Variants in TSHR observed in about 807,000 individuals in gnomAD.
TSHR encodes the protein thyrotropin receptor.
In TSHR, 51 loss-of-function variants were observed where a neutral mutation model predicts 64.1. That is an observed-to-expected ratio of 0.80 (90% CI 0.64 to 1.01). The LOEUF (loss-of-function observed/expected upper bound fraction) is 1.01. Among genes scored for constraint, TSHR ranks in the 50% least tolerant of loss-of-function variants. The pLI, the probability that TSHR is intolerant of heterozygous loss-of-function variation, is 0.00. For synonymous variants in TSHR, 361 were observed against 361.9 expected, an observed-to-expected ratio of 1.00 and a Z score of 0.03; for missense variants, 877 against 942.8, an observed-to-expected ratio of 0.93 and a Z score of 0.91.
chr14:81,068,413 C>T (rs966519256), intron 3 of TSHR, 85 bp downstream of exon 3: 125 of 1,299,516 alleles, frequency 9.6e-5, no homozygotes, highest in Admixed American at 6.8e-5. Flanking sequence ...GCAATGGGAG[C>T]TGGTTTCTTG....
intron 1 of TSHR, among the ~76,000 whole-genome samples, chr14:81,015,357 T>C (rs12890676): frequency 0.097 from 14,782 of 152,194 alleles, 925 homozygotes; most frequent in South Asian, 0.2. Context: ...TACTGTCCAC[T>C]TAACATTTTA....
chr14:81,014,290 G>A (rs1890065954), intron 1 of TSHR: 1 of 152,190 alleles, frequency 6.6e-6, no homozygotes, highest in South Asian at 2.1e-4. Context: ...GCTGAGTTTA[G>A]GGGTCAGACC....
chr14:81,126,839 T>C (rs555079048), intron 8 of TSHR, among the ~76,000 whole-genome samples: 2 of 152,392 alleles, frequency 1.3e-5, no homozygotes, highest in Admixed American at 6.5e-5. Context: ...CGCTAGGCTC[T>C]GTGCTATTTT....
intron 1 of TSHR, among the ~76,000 whole-genome samples, chr14:80,976,309 G>T (rs1284367326): frequency 1.3e-5 from 2 of 152,200 alleles, no homozygotes; most frequent in East Asian, 3.9e-4. Flanking sequence ...CAGGATTCCA[G>T]TGGGCCTGTC....
chr14:80,996,110 G>A (rs1889006495), intron 1 of TSHR, among the ~76,000 whole-genome samples: 1 of 152,250 alleles, frequency 6.6e-6, no homozygotes, highest in Middle Eastern at 3.4e-3. Context: ...CAAAACAGAT[G>A]TTGTTCCCTT....
chr14:81,104,066 T>C, intron 7 of TSHR: 2 of 985,434 alleles, frequency 2.0e-6, no homozygotes, highest in South Asian at 4.7e-5. Flanking sequence ...AAGGCTATTA[T>C]TTATCATGGG....
chr14:81,045,517 A>T (rs563533342), intron 1 of TSHR, among the ~76,000 whole-genome samples: 30 of 152,248 alleles, frequency 2.0e-4, no homozygotes, highest in African/African-American at 7.2e-4. Flanking sequence ...GCCCAGCATC[A>T]ATTAGCTATT....
intron 1 of TSHR, among the ~76,000 whole-genome samples, chr14:81,035,489 A>G (rs957284641): frequency 2.6e-5 from 4 of 152,180 alleles, no homozygotes; most frequent in African/African-American, 9.7e-5. Flanking sequence ...TTTTTCTTCC[A>G]ATGCCGAGGA....
intron 1 of TSHR, among the ~76,000 whole-genome samples, chr14:81,040,924 A>C (rs1411267423): frequency 6.6e-5 from 10 of 152,078 alleles, no homozygotes; most frequent in Non-Finnish European, 1.5e-5. Flanking sequence ...GCTCAACATC[A>C]CTGATCATTA....
At chr14:81,086,909 T>C (rs1476021229) in intron 3 of TSHR, among the ~76,000 whole-genome samples, 1 of 152,238 alleles carries the variant, frequency 6.6e-6, no homozygotes, top group East Asian at 1.9e-4. Context: ...CAGTGGTTTC[T>C]AGGCATAAAG....
At chr14:80,963,894 TTACA>T (rs1158770742) in intron 1 of TSHR, among the ~76,000 whole-genome samples, 1 of 152,200 alleles carries the variant, frequency 6.6e-6, no homozygotes, top group African/African-American at 2.4e-5. Flanking sequence ...TTGAACCCCA[TTACA>T]TCTGTCATTC....
intron 1 of TSHR, among the ~76,000 whole-genome samples, chr14:81,017,479 A>C (rs1883476427): frequency 1.3e-5 from 2 of 152,146 alleles, no homozygotes; most frequent in African/African-American, 4.8e-5. Context: ...AGCTAATGTC[A>C]ATCCGCCTGG....
chr14:81,072,088 T>C (rs1289470717), intron 3 of TSHR, among the ~76,000 whole-genome samples: 4 of 152,214 alleles, frequency 2.6e-5, no homozygotes, highest in Non-Finnish European at 1.5e-5. Flanking sequence ...GGTCACCTAT[T>C]ATAATGTGCA....
chr14:80,995,979 C>G (rs1888997774), intron 1 of TSHR, among the ~76,000 whole-genome samples: 1 of 152,088 alleles, frequency 6.6e-6, no homozygotes, highest in Non-Finnish European at 1.5e-5. Flanking sequence ...CACTCCTAAA[C>G]CCCTCCATTG....
chr14:80,997,401 A>G (rs12437005), intron 1 of TSHR, among the ~76,000 whole-genome samples: 26,970 of 152,196 alleles, frequency 0.18, 2,745 homozygotes, highest in Admixed American at 0.26. Context: ...TTTTTAAAAA[A>G]CAAGCAATTA....
intron 1 of TSHR, among the ~76,000 whole-genome samples, chr14:80,976,342 A>G (rs112236474): frequency 2.6e-5 from 4 of 152,304 alleles, no homozygotes; most frequent in African/African-American, 9.6e-5. Flanking sequence ...AGCTTGAAAG[A>G]GGTAACTTAG....
chr14:81,022,627 C>T (rs988083522), intron 1 of TSHR, among the ~76,000 whole-genome samples: 5 of 151,794 alleles, frequency 3.3e-5, no homozygotes, highest in African/African-American at 1.2e-4. Context: ...TCGAGACCAT[C>T]CTGGCCAACA....
intron 1 of TSHR, among the ~76,000 whole-genome samples, chr14:81,026,532 T>G (rs1884063250): frequency 6.6e-6 from 1 of 152,166 alleles, no homozygotes; most frequent in South Asian, 2.1e-4. Flanking sequence ...AAAAATATTT[T>G]TATTGCCCTA....
intron 1 of TSHR, among the ~76,000 whole-genome samples, chr14:81,037,813 G>C (rs543528833): frequency 1.3e-5 from 2 of 151,608 alleles, no homozygotes; most frequent in African/African-American, 4.8e-5. Context: ...CCCAACACTA[G>C]AGCATATATA....
Sources: gnomAD v4.1 joint callset for allele counts (sites outside exome capture counted in the v4.1 genomes callset) on GRCh38, gnomAD v4.1.1 for gene constraint, MANE v1.5 for transcripts, NCBI Gene and HGNC (gene_info 2026-07-23, HGNC 2026-07-21) for gene names.